EVI5: variants seen among roughly 807,000 people sequenced by gnomAD.
EVI5 encodes the protein ecotropic viral integration site 5.
In EVI5, 73 loss-of-function variants were observed where a neutral mutation model predicts 112.0. The ratio of observed to expected loss-of-function variants is 0.65; its 90% CI spans 0.54 to 0.79. The LOEUF is 0.79. EVI5 is among the 30% of genes least tolerant of loss of function. EVI5 has a pLI of 0.00. For missense variants in EVI5, 900 were observed against 968.8 expected (o/e 0.93, Z 0.94); for synonymous variants, 305 against 319.9 (o/e 0.95, Z 0.50).
At chr1:92,752,422 G>A (rs568589894) in intron 1 of EVI5, among the ~76,000 whole-genome samples, 16 of 152,092 alleles carry the variant, frequency 1.1e-4, no homozygotes, top group Non-Finnish European at 2.1e-4. Flanking sequence ...TGATTTGCCC[G>A]CCTCGACCTC....
intron 9 of EVI5, among the ~76,000 whole-genome samples, chr1:92,688,871 T>C (rs999380193): frequency 6.6e-6 from 1 of 152,198 alleles, no homozygotes; most frequent in Admixed American, 6.5e-5. Flanking sequence ...TTGAGCATTT[T>C]TGAGAGGTAG....
At chr1:92,776,493 C>T (rs1684151371) in intron 1 of EVI5, among the ~76,000 whole-genome samples, 1 of 152,112 alleles carries the variant, frequency 6.6e-6, no homozygotes, top group South Asian at 2.1e-4. Flanking sequence ...ACACTAAAAT[C>T]TCCACAACTT....
intron 18 of EVI5, among the ~76,000 whole-genome samples, chr1:92,569,717 G>C (rs1670015000): frequency 2.0e-5 from 3 of 151,874 alleles, no homozygotes; most frequent in African/African-American, 7.3e-5. Context: ...AGCCAGGCAT[G>C]GTGGCAGGCG....
At chr1:92,543,253 T>A (rs1156856268) in intron 19 of EVI5, among the ~76,000 whole-genome samples, 2 of 152,260 alleles carry the variant, frequency 1.3e-5, no homozygotes, top group Non-Finnish European at 2.9e-5. Context: ...AGTTTCTACA[T>A]CAGCACTTGC....
intron 16 of EVI5, among the ~76,000 whole-genome samples, chr1:92,609,605 G>A (rs1200857592): frequency 2.6e-5 from 4 of 152,144 alleles, no homozygotes; most frequent in Admixed American, 6.6e-5. Flanking sequence ...TAATCCGCCC[G>A]CCTCAGCCTC....
chr1:92,740,366 G>A (rs748706983), intron 1 of EVI5, among the ~76,000 whole-genome samples: 19 of 152,052 alleles, frequency 1.2e-4, no homozygotes, highest in East Asian at 3.8e-4. Flanking sequence ...TTTATTTTCC[G>A]TCTCTTATTA....
intron 7 of EVI5, 34 bp from the exon 8 acceptor site, chr1:92,694,422 G>A: frequency 1.6e-6 from 2 of 1,228,046 alleles, no homozygotes; most frequent in Non-Finnish European, 1.2e-6. Context: ...CCAAATTTAT[G>A]TTACTCTTCC....
intron 19 of EVI5, among the ~76,000 whole-genome samples, chr1:92,544,029 G>C (rs1318024400): frequency 6.6e-6 from 1 of 152,180 alleles, no homozygotes; most frequent in African/African-American, 2.4e-5. Context: ...GCTACGACAT[G>C]AATGAGCCTT....
intron 13 of EVI5, among the ~76,000 whole-genome samples, chr1:92,641,858 G>A (rs957877863): frequency 3.3e-5 from 5 of 152,130 alleles, no homozygotes; most frequent in Admixed American, 2.0e-4. Flanking sequence ...GGCCGGGAGC[G>A]GTGGTGCACG....
intron 2 of EVI5, among the ~76,000 whole-genome samples, chr1:92,735,232 C>A (rs1677129919): frequency 6.6e-6 from 1 of 152,064 alleles, no homozygotes; most frequent in Admixed American, 6.6e-5. Context: ...AAAAAGGAAT[C>A]AACTATCAAT....
chr1:92,730,105 C>G (rs1156957658), intron 2 of EVI5, among the ~76,000 whole-genome samples: 1 of 152,162 alleles, frequency 6.6e-6, no homozygotes, highest in African/African-American at 2.4e-5. Context: ...ATAGCTAATG[C>G]CGGTAATGCC....
At chr1:92,652,057 GC>G (rs1433087740) in intron 13 of EVI5, among the ~76,000 whole-genome samples, 1 of 152,134 alleles carries the variant, frequency 6.6e-6, no homozygotes, top group Non-Finnish European at 1.5e-5. Flanking sequence ...AATGTTCATA[GC>G]AACATTATCC....
At chr1:92,620,498 C>G (rs755558826) in intron 16 of EVI5, among the ~76,000 whole-genome samples, 1 of 144,510 alleles carries the variant, frequency 6.9e-6, no homozygotes, top group South Asian at 2.2e-4. Flanking sequence ...CTGCTACAAA[C>G]AAAGAGAAAA....
At chr1:92,661,767 A>G (rs986430505) in intron 13 of EVI5, among the ~76,000 whole-genome samples, 5 of 151,830 alleles carry the variant, frequency 3.3e-5, no homozygotes, top group Admixed American at 2.6e-4. Context: ...ATTTTTTTGT[A>G]CCGAGATGAC....
At chr1:92,524,117 A>G (rs1189951963) in intron 19 of EVI5, among the ~76,000 whole-genome samples, 1 of 151,198 alleles carries the variant, frequency 6.6e-6, no homozygotes, top group Non-Finnish European at 1.5e-5. Flanking sequence ...AAAGAAAAAA[A>G]AAAAAGAAAC....
At position 92,782,276 on chromosome 1, in the gene EVI5, A is replaced by AAC. The variant is rs531864899; in HGVS notation, c.-82+2558_-82+2559dup. On this transcript the variant is annotated intron_variant, in intron 1 of 19. Coordinates refer to ENST00000684568, the MANE Select transcript of EVI5 (RefSeq NM_001350197.2). ...CATCTTACAAAACAAACAAACAAAA[A>AAC]ACACACACACACACAAATTAAGAAT... is the stretch of plus-strand genomic sequence containing the variant. Among the ~76,000 whole-genome samples, 573 of 151,942 alleles carry AAC rather than the reference A, an allele frequency of 3.8e-3. 3 individuals carry two copies. Among genetic ancestry groups the AAC allele is most frequent in the African/African-American group, 0.013 (526 of 41,430 alleles).
chr1:92,554,315 G>T (rs1178872884), intron 19 of EVI5, among the ~76,000 whole-genome samples: 3 of 152,162 alleles, frequency 2.0e-5, no homozygotes, highest in African/African-American at 4.8e-5. Flanking sequence ...CATTAAATGG[G>T]CCAGCAGGAT....
intron 19 of EVI5, among the ~76,000 whole-genome samples, chr1:92,514,279 G>A (rs1003596308): frequency 5.3e-5 from 8 of 151,994 alleles, no homozygotes; most frequent in Admixed American, 2.6e-4. Context: ...TCAGCCTCCT[G>A]AGTAGCTGGG....
At chr1:92,593,565 G>A (rs1674381218) in intron 18 of EVI5, among the ~76,000 whole-genome samples, 1 of 152,154 alleles carries the variant, frequency 6.6e-6, no homozygotes. Context: ...GGAAATTCTG[G>A]CCAGGGCAAT....
Sources: allele counts gnomAD v4.1 joint callset (sites outside exome capture counted in the v4.1 genomes callset), GRCh38; gene constraint gnomAD v4.1.1; transcripts MANE v1.5; gene names NCBI Gene and HGNC (gene_info 2026-07-23, HGNC 2026-07-21).